VPS4B: variants seen among roughly 807,000 people sequenced by gnomAD.
VPS4B encodes the protein vacuolar protein sorting-associated protein 4B.
In VPS4B, 23 loss-of-function variants were observed where a neutral mutation model predicts 56.1. The ratio of observed to expected loss-of-function variants is 0.41; its 90% CI spans 0.30 to 0.58. The LOEUF (loss-of-function observed/expected upper bound fraction) is 0.58. Among genes scored for constraint, VPS4B ranks in the 20% least tolerant of loss-of-function variants. The pLI is 0.29. For missense variants in VPS4B, 372 were observed against 531.9 expected, an observed-to-expected ratio of 0.70 and a Z score of 2.96; for synonymous variants, 177 against 186.0, an observed-to-expected ratio of 0.95 and a Z score of 0.39.
Position 63,411,731 on chromosome 18 carries a change from C to T in VPS4B, c.28-153G>A, listed in dbSNP as rs1302680172. On this transcript the variant is annotated intron_variant, in intron 1 of 10. Coordinates refer to ENST00000238497, the MANE Select transcript of VPS4B (RefSeq NM_004869.4). ...AAAATAAGTAAAAAATAAACAGTAACTAAAAAATCATTTTTTTCTAACTCA... is the reference window on the plus strand; with the variant it reads ...AAAATAAGTAAAAAATAAACAGTAATTAAAAAATCATTTTTTTCTAACTCA... 9.3e-5 allele frequency among the ~76,000 whole-genome samples: 14 copies of T among 151,024 alleles called. 1 individual carries two copies. The highest frequency in any genetic ancestry group is 5.9e-4 in the Admixed American group (9 of 15,158).
At chr18:63,419,972 T>C (rs750687270) in intron 1 of VPS4B, among the ~76,000 whole-genome samples, 2 of 152,224 alleles carry the variant, frequency 1.3e-5, no homozygotes, top group African/African-American at 4.8e-5. Flanking sequence ...TACATGAATA[T>C]TAATCCAAAT....
chr18:63,399,885 G>A (rs1171523602), intron 7 of VPS4B, among the ~76,000 whole-genome samples, 163 bp downstream of exon 7: 2 of 152,130 alleles, frequency 1.3e-5, no homozygotes, highest in African/African-American at 4.8e-5. Flanking sequence ...CGGGCATGGT[G>A]GTGCGCGCCT....
At chr18:63,419,348 T>C (rs1599368998) in intron 1 of VPS4B, among the ~76,000 whole-genome samples, 1 of 151,588 alleles carries the variant, frequency 6.6e-6, no homozygotes, top group Admixed American at 6.6e-5. Flanking sequence ...ACCTGGGAGA[T>C]GGAGGTTACC....
intron 9 of VPS4B, among the ~76,000 whole-genome samples, chr18:63,393,757 A>G (rs1429816187): frequency 6.6e-6 from 1 of 151,456 alleles, no homozygotes; most frequent in Non-Finnish European, 1.5e-5. Context: ...TTTTTTTTTG[A>G]AAGGGCGTCT....
chr18:63,408,642 C>T (rs770796221), intron 3 of VPS4B, among the ~76,000 whole-genome samples: 8 of 152,222 alleles, frequency 5.3e-5, no homozygotes, highest in Admixed American at 1.3e-4. Flanking sequence ...CAAGCACCAT[C>T]AGTGCTTAGC....
intron 1 of VPS4B, among the ~76,000 whole-genome samples, chr18:63,421,116 G>A (rs550790840): frequency 6.6e-6 from 1 of 151,576 alleles, no homozygotes; most frequent in Non-Finnish European, 1.5e-5. Context: ...CACAAAATGA[G>A]TCATTGTTGC....
chr18:63,398,833 CAAA>C (rs200001508), intron 8 of VPS4B, among the ~76,000 whole-genome samples: 2 of 87,096 alleles, frequency 2.3e-5, no homozygotes. Flanking sequence ...GACTCCGACT[CAAA>C]AAAAAAAAAA....
At chr18:63,400,302 G>A (rs1344976992) in intron 6 of VPS4B, 106 bp from the exon 7 acceptor site, 5 of 1,260,290 alleles carry the variant, frequency 4.0e-6, no homozygotes, top group East Asian at 2.6e-5. Context: ...GCCTAATCAT[G>A]TTTCAGGTAC....
intron 8 of VPS4B, among the ~76,000 whole-genome samples, chr18:63,398,578 C>T (rs1008945475): frequency 6.6e-6 from 1 of 151,768 alleles, no homozygotes; most frequent in Admixed American, 6.6e-5. Context: ...TGGCTCACAT[C>T]TGTAATTCCA....
intron 5 of VPS4B, among the ~76,000 whole-genome samples, chr18:63,403,063 A>T (rs1450944964): frequency 6.6e-6 from 1 of 152,252 alleles, no homozygotes; most frequent in Non-Finnish European, 1.5e-5. Flanking sequence ...TAGAACTTGT[A>T]AGTTTCCCCA....
chr18:63,408,719 T>A (rs774007613), intron 3 of VPS4B, among the ~76,000 whole-genome samples: 12 of 152,222 alleles, frequency 7.9e-5, no homozygotes, highest in Non-Finnish European at 1.5e-4. Context: ...TTCTCCTGAT[T>A]CCCTGGCCCC....
At chr18:63,410,694 G>A (rs975603697) in intron 2 of VPS4B, among the ~76,000 whole-genome samples, 1 of 152,138 alleles carries the variant, frequency 6.6e-6, no homozygotes, top group African/African-American at 2.4e-5. Context: ...TTAAGTTAAT[G>A]TTAACTAACA....
At chr18:63,406,995 T>C (rs117725606) in intron 4 of VPS4B, among the ~76,000 whole-genome samples, 91 of 152,320 alleles carry the variant, frequency 6.0e-4, no homozygotes, top group Non-Finnish European at 1.1e-3. Context: ...GAAAAGCAGA[T>C]GAAGAGCAGT....
intron 8 of VPS4B, among the ~76,000 whole-genome samples, chr18:63,398,641 T>C (rs1388759520): frequency 6.6e-6 from 1 of 151,738 alleles, no homozygotes. Flanking sequence ...ATCGAGACCA[T>C]CCTGGCCACA....
At chr18:63,420,439 CTG>C (rs1916270802) in intron 1 of VPS4B, among the ~76,000 whole-genome samples, 1 of 152,078 alleles carries the variant, frequency 6.6e-6, no homozygotes, top group South Asian at 2.1e-4. Context: ...CAGAGCAAGA[CTG>C]TCTCAAAACA....
intron 2 of VPS4B, among the ~76,000 whole-genome samples, chr18:63,411,195 A>G (rs952964609): frequency 6.6e-6 from 1 of 152,252 alleles, no homozygotes; most frequent in Admixed American, 6.5e-5. Context: ...CATATCTGTA[A>G]AGACACAAAT....
chr18:63,393,545 C>T lies in VPS4B; in HGVS notation c.1097G>A (p.Arg366His), dbSNP rs952229759. 1.8e-5 allele frequency: 28 copies of T among 1,576,326 alleles called. No homozygotes were observed. The highest frequency in any genetic ancestry group is 4.1e-5 in the African/African-American group (3 of 73,094). Residue 366 changes from arginine (R) to histidine (H), a missense_variant, in exon 10 of 11, where the codon CGC (arginine) becomes CAC (histidine). Arg to His is a conservative substitution (Grantham distance 29, BLOSUM62 0). Coordinates refer to ENST00000238497, the MANE Select transcript of VPS4B (RefSeq NM_004869.4). ...VQSATHFKKV[R>H]GPSRADPNHL... The stretch of plus-strand genomic sequence containing the variant: ...GTTAGGATCAGCTCGGGAAGGTCCG[C>T]GAACCTGAAATAAACAGTAATCTGA...
chr18:63,407,461 T>C lies in VPS4B; in HGVS notation c.335A>G (p.Glu112Gly), dbSNP rs1342965466. Residue 112 changes from glutamate to glycine, a missense_variant, in exon 4 of 11, where the codon GAA becomes GGA. Coordinates refer to ENST00000238497, the MANE Select transcript of VPS4B (RefSeq NM_004869.4). The stretch of plus-strand genomic sequence containing the variant: ...AAGTTGATTCTGTAGTTTCTTTTTT[T>C]CAGGATCATCAGATTCTCCTTCCCC... The part of the protein sequence containing the change: ...SDGEGESDDP[E>G]KKKLQNQLQG... 1 of 1,609,928 alleles carries C rather than the reference T, an allele frequency of 6.2e-7. No individual in the cohort carries two copies. Among genetic ancestry groups the C allele is most frequent in the Non-Finnish European group, 8.5e-7 (1 of 1,178,770 alleles).
chr18:63,392,038 G>C (rs1046236010), intron 10 of VPS4B, among the ~76,000 whole-genome samples: 5 of 152,174 alleles, frequency 3.3e-5, no homozygotes, highest in African/African-American at 1.2e-4. Flanking sequence ...AGGGGTTTCT[G>C]AGTAACTTCT....
Sources: allele counts gnomAD v4.1 joint callset (sites outside exome capture counted in the v4.1 genomes callset), GRCh38; gene constraint gnomAD v4.1.1; transcripts MANE v1.5; gene names NCBI Gene and HGNC (gene_info 2026-07-23, HGNC 2026-07-21).